The following PAK1 variants were observed in gnomAD, a reference collection of about 807,000 sequenced individuals.
The protein encoded by PAK1 is serine/threonine-protein kinase PAK 1.
Under a neutral mutation model 67.4 loss-of-function variants are expected in PAK1, and 29 were observed. The ratio of observed to expected loss-of-function variants is 0.43; its 90% CI spans 0.32 to 0.59. PAK1 has a LOEUF of 0.59. Among genes scored for constraint, PAK1 ranks in the 20% least tolerant of loss-of-function variants. The pLI is 0.07. For missense variants in PAK1, 337 were observed against 670.7 expected (o/e 0.50, Z 5.50); for synonymous variants, 223 against 237.4 (o/e 0.94, Z 0.56).
At chr11:77,457,261 A>C (rs527455260) in intron 1 of PAK1, among the ~76,000 whole-genome samples, 36 of 152,312 alleles carry the variant, frequency 2.4e-4, no homozygotes, top group Non-Finnish European at 4.7e-4. Context: ...TGGAATTATT[A>C]ATTGGGCATG....
At chr11:77,490,866 A>C in the PAK1 span, among the ~76,000 whole-genome samples, 3 of 152,160 alleles carry the variant, frequency 2.0e-5, no homozygotes, top group African/African-American at 7.2e-5. Context: ...TGCTGTGTCC[A>C]CTCAGGGTTA....
intron 1 of PAK1, among the ~76,000 whole-genome samples, chr11:77,461,874 C>T (rs991156548): frequency 3.3e-5 from 5 of 152,120 alleles, no homozygotes; most frequent in Non-Finnish European, 7.4e-5. Flanking sequence ...GAAACATTGC[C>T]TTCGATAATA....
At chr11:77,448,288 G>A (rs1467784149) in intron 1 of PAK1, among the ~76,000 whole-genome samples, 1 of 152,218 alleles carries the variant, frequency 6.6e-6, no homozygotes, top group Non-Finnish European at 1.5e-5. Flanking sequence ...ACAGCAGTAA[G>A]TTACTCAATG....
intron 1 of PAK1, among the ~76,000 whole-genome samples, chr11:77,422,514 C>T: frequency 6.7e-6 from 1 of 149,876 alleles, no homozygotes; most frequent in African/African-American, 2.5e-5. Context: ...GAGATCGCGC[C>T]ATTGGACTCC....
At chr11:77,325,908 A>G (rs1353408106) in intron 14 of PAK1, among the ~76,000 whole-genome samples, 2 of 152,224 alleles carry the variant, frequency 1.3e-5, no homozygotes, top group African/African-American at 4.8e-5. Flanking sequence ...ACCTATCCTG[A>G]GTCAAGTCCT....
intron 1 of PAK1, among the ~76,000 whole-genome samples, chr11:77,410,922 G>A (rs1954426499): frequency 6.6e-6 from 1 of 152,140 alleles, no homozygotes; most frequent in African/African-American, 2.4e-5. Flanking sequence ...AGCAGAATAA[G>A]GAAGGGGCTC....
chr11:77,392,255 C>A, intron 2 of PAK1, 76 bp downstream of exon 2: 2 of 1,013,542 alleles, frequency 2.0e-6, no homozygotes, highest in Non-Finnish European at 2.8e-6. Context: ...TCAAAGACAA[C>A]AGATCTTTTA....
chr11:77,331,500 C>G (rs1003577717), intron 14 of PAK1, among the ~76,000 whole-genome samples: 4 of 152,062 alleles, frequency 2.6e-5, no homozygotes, highest in African/African-American at 9.7e-5. Context: ...ATGGATGAAA[C>G]TGGAAACCAT....
At chr11:77,523,555 G>A in the PAK1 span, among the ~76,000 whole-genome samples, 2 of 151,830 alleles carry the variant, frequency 1.3e-5, no homozygotes, top group Non-Finnish European at 2.9e-5. Flanking sequence ...GAGTAGCTGG[G>A]ACTACAGGCA....
intron 13 of PAK1, among the ~76,000 whole-genome samples, chr11:77,333,394 T>C (rs1260384429): frequency 1.3e-5 from 2 of 152,030 alleles, no homozygotes; most frequent in Non-Finnish European, 2.9e-5. Flanking sequence ...GACGGGGTTT[T>C]ACCATGTTGG....
At chr11:77,325,387 G>T in intron 14 of PAK1, 1 of 1,613,002 alleles carries the variant, frequency 6.2e-7, no homozygotes, top group Non-Finnish European at 8.5e-7. Flanking sequence ...CTGTAAAAAT[G>T]AGAATAGAAC....
intron 14 of PAK1, among the ~76,000 whole-genome samples, chr11:77,328,398 C>CAG (rs1940586913): frequency 6.6e-6 from 1 of 152,154 alleles, no homozygotes; most frequent in Non-Finnish European, 1.5e-5. Flanking sequence ...AAGCACTCCT[C>CAG]AGCAAATGTA....
the PAK1 span, among the ~76,000 whole-genome samples, chr11:77,486,119 C>T: frequency 6.6e-6 from 1 of 152,196 alleles, no homozygotes; most frequent in Non-Finnish European, 1.5e-5. Flanking sequence ...GACTGATACA[C>T]ACCCCTTTTT....
intron 9 of PAK1, among the ~76,000 whole-genome samples, chr11:77,345,418 A>G (rs115017724): frequency 6.6e-5 from 10 of 152,180 alleles, no homozygotes; most frequent in Non-Finnish European, 1.2e-4. Flanking sequence ...TTCTCTAGAG[A>G]TATTTTTCCT....
At position 77,392,450 on chromosome 11, in the gene PAK1, A is replaced by G. The variant is rs1270608708; in HGVS notation, c.71T>C (p.Ile24Thr). 2 of 1,614,068 alleles carry G rather than the reference A, an allele frequency of 1.2e-6. No individual in the cohort carries two copies. ...APPMRNTSTM[I>T]GAGSKDAGTL... ...TCCAGCATCTTTGCTGCCGGCTCCA[A>G]TCATAGTGCTGGTATTTCTCATCGG... is the stretch of plus-strand genomic sequence containing the variant. Residue 24 changes from isoleucine (I) to threonine (T), a missense_variant, in exon 2 of 15, where the codon ATT (isoleucine) becomes ACT (threonine). Coordinates refer to ENST00000356341, the MANE Select transcript of PAK1 (RefSeq NM_002576.5).
At chr11:77,365,417 G>GA (rs927356418) in intron 5 of PAK1, among the ~76,000 whole-genome samples, 25 of 143,840 alleles carry the variant, frequency 1.7e-4, no homozygotes, top group Non-Finnish European at 2.5e-4. Flanking sequence ...CTCTGAGGAA[G>GA]AAAAAAAAAA....
At chr11:77,460,083 C>T (rs1394212279) in intron 1 of PAK1, among the ~76,000 whole-genome samples, 1 of 147,446 alleles carries the variant, frequency 6.8e-6, no homozygotes, top group Non-Finnish European at 1.5e-5. Context: ...GCCAGAATTG[C>T]GAACAGCAAA....
chr11:77,481,195 C>T, the PAK1 span, among the ~76,000 whole-genome samples: 2 of 152,150 alleles, frequency 1.3e-5, no homozygotes. Flanking sequence ...AGTATATTAA[C>T]TACATCGTTC....
At chr11:77,410,471 A>G (rs1442824717) in intron 1 of PAK1, among the ~76,000 whole-genome samples, 1 of 152,186 alleles carries the variant, frequency 6.6e-6, no homozygotes, top group Non-Finnish European at 1.5e-5. Context: ...TTAGGTAGAA[A>G]ACAATGTTTG....
Sources: allele counts gnomAD v4.1 joint callset (sites outside exome capture counted in the v4.1 genomes callset), GRCh38; gene constraint gnomAD v4.1.1; transcripts MANE v1.5; gene names NCBI Gene and HGNC (gene_info 2026-07-23, HGNC 2026-07-21).